The following P4HA1 variants were observed in gnomAD, a reference collection of about 807,000 sequenced individuals.
P4HA1 encodes prolyl 4-hydroxylase subunit alpha 1.
Under a neutral mutation model 72.8 loss-of-function variants are expected in P4HA1, and 24 were observed. The observed-to-expected ratio is 0.33, with a 90% confidence interval of 0.24 to 0.46. The LOEUF (loss-of-function observed/expected upper bound fraction) is 0.46, where lower values mean the gene tolerates loss of function less well. Among genes scored for constraint, P4HA1 ranks in the 20% least tolerant of loss-of-function variants. The pLI is 1.00. For missense variants in P4HA1, 446 were observed against 640.6 expected (o/e 0.70, Z 3.28); for synonymous variants, 201 against 218.8 (o/e 0.92, Z 0.72).
In P4HA1 at chr10:73,011,169, A is replaced by T. The variant is rs549510707; in HGVS notation, c.1369-132T>A. On this transcript the variant is annotated intron_variant, in intron 12 of 14. Coordinates refer to ENST00000394890, the MANE Select transcript of P4HA1 (RefSeq NM_001017962.3). ...TGTTCTTATATAGCATGGTTGGTAC[A>T]TGCTACTCAGTTTTTCAAAAATAAA... is the stretch of plus-strand genomic sequence containing the variant. 8.7e-6 allele frequency: 5 copies of T among 577,876 alleles called. No homozygotes were observed. The South Asian group carries it at 1.8e-4, about 21-fold the overall frequency. The allele number at this position is 577,876 out of a possible 1,614,324, so 35.8% of individuals were successfully genotyped here.
Position 73,047,010 on chromosome 10 carries a change from T to C in P4HA1, c.992A>G (p.Glu331Gly), listed in dbSNP as rs757591074. The change falls in exon 8 of 15, where the codon GAA becomes GGA. Residue 331 changes from glutamate (E) to glycine (G), a missense_variant. By Grantham distance (98) the Glu-to-Gly change is moderately conservative. Coordinates refer to ENST00000394890, the MANE Select transcript of P4HA1 (RefSeq NM_001017962.3). ...FILAPAKQED[E>G]WDKPRIIRFH... ...GCGAATAATACGAGGCTTGTCCCAT[T>C]CATCCTCCTGTTTAGCTGGAGCCAG... 1 of 1,613,006 alleles carries C rather than the reference T, an allele frequency of 6.2e-7. No homozygotes were observed. The highest frequency in any genetic ancestry group is 1.1e-5 in the South Asian group (1 of 91,052).
Position 73,007,531 on chromosome 10 carries a change from G to A in P4HA1, c.*691C>T, listed in dbSNP as rs1045438866. 3 of 151,552 alleles carry A rather than the reference G, an allele frequency of 2.0e-5. No homozygotes were observed. The highest frequency in any genetic ancestry group is 2.9e-5 in the Non-Finnish European group (2 of 67,886). The allele number at this position is 151,552 out of a possible 1,614,324, so 9.4% of individuals were successfully genotyped here. A position where few individuals can be genotyped will look rare whatever the true frequency, so the allele number is the denominator to read the frequency against. ...GGGATAAAAAAACAGGCTAAGTGGTGAGCATTTTAGTTAAGAAGGCCCAGT... is the reference window on the plus strand; with the variant it reads ...GGGATAAAAAAACAGGCTAAGTGGTAAGCATTTTAGTTAAGAAGGCCCAGT... On this transcript the variant is annotated 3_prime_UTR_variant, in exon 15 of 15. Transcript: ENST00000394890.
rs778173529 is a variant in P4HA1, at chr10:73,008,182, A to G, written c.*40T>C. Reference sequence around the variant, plus strand: ...ACTAGGAAATGTGTATATCAGACACATAAGAGTACAACAATAGGAGAAAAA... The same window carrying G: ...ACTAGGAAATGTGTATATCAGACACGTAAGAGTACAACAATAGGAGAAAAA... On this transcript the variant is annotated 3_prime_UTR_variant, in exon 15 of 15. Transcript: ENST00000394890. 2.4e-6 allele frequency: 3 copies of G among 1,242,928 alleles called. No individual in the cohort carries two copies. The highest frequency in any genetic ancestry group is 3.6e-6 in the Non-Finnish European group (3 of 844,180). The allele number at this position is 1,242,928 out of a possible 1,614,324, so 77.0% of individuals were successfully genotyped here.
intron 1 of P4HA1, among the ~76,000 whole-genome samples, chr10:73,079,397 T>C (rs545174882): frequency 6.6e-6 from 1 of 152,212 alleles, no homozygotes; most frequent in Non-Finnish European, 1.5e-5. Context: ...CAGCGGGCCA[T>C]GAATGTGCTA....
In P4HA1 at chr10:73,007,939, A is replaced by G; in HGVS notation, c.*283T>C. 2 of 295,952 alleles carry G rather than the reference A, an allele frequency of 6.8e-6. No individual in the cohort carries two copies. The highest frequency in any genetic ancestry group is 1.3e-5 in the Non-Finnish European group (2 of 159,194). 18.3% of individuals were successfully genotyped at this position (295,952 alleles called of 1,614,324 possible). On this transcript the variant is annotated 3_prime_UTR_variant, in exon 15 of 15. Transcript: ENST00000394890. Reference sequence around the variant, plus strand: ...GATGCTCAAATTATGTTTTTATCCAACCAAAAAGTTCTTTAAATATAAAAT... The same window carrying G: ...GATGCTCAAATTATGTTTTTATCCAGCCAAAAAGTTCTTTAAATATAAAAT...
At position 73,008,135 on chromosome 10, in the gene P4HA1, T is replaced by C. The variant is rs1839833174; in HGVS notation, c.*87A>G. The C allele has an allele frequency of 5.1e-6, 4 of 783,170 alleles. No individual in the cohort carries two copies. The highest frequency in any genetic ancestry group is 1.7e-5 in the South Asian group (1 of 60,028). 48.5% of individuals were successfully genotyped at this position (783,170 alleles called of 1,614,324 possible). A position where few individuals can be genotyped will look rare whatever the true frequency, so the allele number is the denominator to read the frequency against. On this transcript the variant is annotated 3_prime_UTR_variant, in exon 15 of 15. Coordinates refer to ENST00000394890, the MANE Select transcript of P4HA1 (RefSeq NM_001017962.3). ...GAATCAATCATGGAGTGTTAGTCAA[T>C]TGTAAACTCCTGAAAGTTAAGACTA...
intron 11 of P4HA1, among the ~76,000 whole-genome samples, chr10:73,015,505 T>G (rs1839991897): frequency 6.6e-6 from 1 of 152,166 alleles, no homozygotes; most frequent in East Asian, 1.9e-4. Context: ...AGCTCCCCTA[T>G]CATACACACT....
At chr10:73,094,386 A>G (rs7095810) in intron 1 of P4HA1, among the ~76,000 whole-genome samples, 23,678 of 151,988 alleles carry the variant, frequency 0.16, 3,038 homozygotes, top group African/African-American at 0.33. Context: ...AAAGTTCATG[A>G]ATGGACTTGA....
At chr10:73,082,090 C>T (rs1324133508) in intron 1 of P4HA1, among the ~76,000 whole-genome samples, 1 of 152,234 alleles carries the variant, frequency 6.6e-6, no homozygotes, top group East Asian at 1.9e-4. Flanking sequence ...CAATAAATTA[C>T]ATGAGCTATT....
chr10:73,039,854 CTTT>C (rs765288935), intron 9 of P4HA1, among the ~76,000 whole-genome samples: 76 of 86,980 alleles, frequency 8.7e-4, no homozygotes, highest in African/African-American at 3.7e-3. Flanking sequence ...CTGAGATGGC[CTTT>C]TTTTTTTTTT....
At chr10:73,016,622 C>T (rs1339143821) in intron 11 of P4HA1, among the ~76,000 whole-genome samples, 3 of 152,112 alleles carry the variant, frequency 2.0e-5, no homozygotes, top group Non-Finnish European at 2.9e-5. Context: ...ACTAAAAATA[C>T]AAAAATTAGC....
intron 10 of P4HA1, among the ~76,000 whole-genome samples, chr10:73,019,730 G>A (rs367860972): frequency 7.8e-4 from 51 of 65,222 alleles, no homozygotes; most frequent in Middle Eastern, 0.016. Context: ...CTCTGTCTCA[G>A]AAAAAAAAAA....
chr10:73,058,809 C>G (rs568769423), intron 5 of P4HA1, among the ~76,000 whole-genome samples: 9 of 140,488 alleles, frequency 6.4e-5, no homozygotes, highest in Non-Finnish European at 7.5e-5. Flanking sequence ...CGAAGTCTCA[C>G]TCTGTTGCCC....
At position 73,049,051 on chromosome 10, in the gene P4HA1, G is replaced by A. The variant is rs568216062; in HGVS notation, c.901-1950C>T. On this transcript the variant is annotated intron_variant, in intron 7 of 14. Coordinates refer to ENST00000394890, the MANE Select transcript of P4HA1 (RefSeq NM_001017962.3). ...CAGGAGGCTGAGGCAGGAGAATGGC[G>A]TGAACCCAGGGGCCGAAATGGCGCC... Among the ~76,000 whole-genome samples, 34 of 152,134 alleles carry A rather than the reference G, an allele frequency of 2.2e-4. No homozygotes were observed. The South Asian group carries it at 5.0e-3, about 22-fold the overall frequency.
chr10:73,030,807 T>C (rs182906527), intron 9 of P4HA1, among the ~76,000 whole-genome samples: 1 of 152,304 alleles, frequency 6.6e-6, no homozygotes, highest in African/African-American at 2.4e-5. Flanking sequence ...AAAAAAATTC[T>C]GCTTACTGCT....
At chr10:73,093,873 A>AATATATATATATAT (rs1167437294) in intron 1 of P4HA1, among the ~76,000 whole-genome samples, 22 of 29,318 alleles carry the variant, frequency 7.5e-4, no homozygotes, top group South Asian at 1.1e-3. Flanking sequence ...AAAAAAAAAA[A>AATATATATATATAT]ATATATATAT....
At chr10:73,009,112 T>C (rs1386847506) in intron 14 of P4HA1, among the ~76,000 whole-genome samples, 1 of 152,208 alleles carries the variant, frequency 6.6e-6, no homozygotes, top group African/African-American at 2.4e-5. Context: ...TTAAACACTA[T>C]AATCATAAGG....
At chr10:73,079,896 C>T (rs2133148449) in intron 1 of P4HA1, among the ~76,000 whole-genome samples, 2 of 152,308 alleles carry the variant, frequency 1.3e-5, no homozygotes, top group South Asian at 4.1e-4. Context: ...CTAGGTCAAT[C>T]ATTGACTTTC....
At chr10:73,021,810 C>T (rs1178201657) in intron 10 of P4HA1, among the ~76,000 whole-genome samples, 4 of 152,244 alleles carry the variant, frequency 2.6e-5, no homozygotes. Context: ...TTCCCACAGT[C>T]TTAGCAACTG....
Sources: allele counts gnomAD v4.1 joint callset (sites outside exome capture counted in the v4.1 genomes callset), GRCh38; gene constraint gnomAD v4.1.1; transcripts MANE v1.5; gene names NCBI Gene and HGNC (gene_info 2026-07-23, HGNC 2026-07-21).